Variants in PCDHGA10 observed in about 807,000 individuals in gnomAD.
PCDHGA10 encodes protocadherin gamma subfamily A, 10.
A neutral mutation model predicts 59.5 loss-of-function variants in PCDHGA10; 42 were observed. That is an observed-to-expected ratio of 0.71 (90% confidence interval 0.55 to 0.91). PCDHGA10 has a LOEUF of 0.91. Ranked by LOEUF, PCDHGA10 falls within the 40% of genes least tolerant of loss-of-function variation. The pLI, the probability that PCDHGA10 is intolerant of heterozygous loss-of-function variation, is 0.00. For missense variants in PCDHGA10, 1,111 were observed against 1,198.2 expected (o/e 0.93, Z 1.07); for synonymous variants, 511 against 517.2 (o/e 0.99, Z 0.16).
In PCDHGA10 at chr5:141,432,002, G is replaced by A. The variant is rs781525225; in HGVS notation, c.2436+16391G>A. On this transcript the variant is annotated intron_variant, in intron 1 of 3. Transcript: ENST00000398610. This position sits in a 1 kb window ranked among gnomAD's most constrained non-coding sequence, Gnocchi z 6.0. ...AGACATAGTCTTGGATAGGGAACAG[G>A]TTCCTAGCTACAACATCACAGTGAC... The A allele has an allele frequency of 1.9e-6, 3 of 1,614,186 alleles. No homozygotes were observed. In the South Asian group the frequency reaches 3.3e-5, roughly 18 times the overall value.
At chr5:141,494,305 C>T (rs544773836) in intron 1 of PCDHGA10, among the ~76,000 whole-genome samples, 1 of 152,346 alleles carries the variant, frequency 6.6e-6, no homozygotes, top group East Asian at 1.9e-4. Context: ...GAATGTGTCA[C>T]TGCACAACCT....
chr5:141,482,859 G>A (rs1371172226), intron 1 of PCDHGA10, among the ~76,000 whole-genome samples: 3 of 148,230 alleles, frequency 2.0e-5, no homozygotes, highest in Admixed American at 6.7e-5. Flanking sequence ...ATCACTTGAG[G>A]TCAGGAGTTT....
intron 1 of PCDHGA10, among the ~76,000 whole-genome samples, chr5:141,450,826 A>T (rs965147554): frequency 1.9e-4 from 26 of 134,356 alleles, no homozygotes; most frequent in East Asian, 6.4e-4. Context: ...TATTATTATT[A>T]TTATTTTTTT....
intron 1 of PCDHGA10, chr5:141,430,960 C>T (rs2097330619): frequency 6.2e-7 from 1 of 1,612,432 alleles, no homozygotes; most frequent in Non-Finnish European, 8.5e-7. Context: ...TCCGCATCAT[C>T]CCCAGAGGTA....
At chr5:141,448,822 G>A (rs924937891) in intron 1 of PCDHGA10, among the ~76,000 whole-genome samples, 4 of 152,048 alleles carry the variant, frequency 2.6e-5, no homozygotes, top group African/African-American at 9.7e-5. Context: ...GCGGGCGCCT[G>A]TAGTCCCAGC....
At chr5:141,437,338 C>T (rs1328789308) in intron 1 of PCDHGA10, among the ~76,000 whole-genome samples, 1 of 152,196 alleles carries the variant, frequency 6.6e-6, no homozygotes, top group Non-Finnish European at 1.5e-5. Flanking sequence ...TGTAGCTTCA[C>T]TGTTTTATAG....
At position 141,414,686 on chromosome 5, in the gene PCDHGA10, C is replaced by A. The variant is rs201724090; in HGVS notation, c.1511C>A (p.Pro504His). Residue 504 changes from proline to histidine, a missense_variant, in exon 1 of 4, where the codon CCT becomes CAT. Physicochemically the swap from Pro to His is moderately conservative, Grantham distance 77. Coordinates refer to ENST00000398610, the MANE Select transcript of PCDHGA10 (RefSeq NM_018913.3). Reference protein sequence around the residue: ...SLAEDTIQGVPLSSYISINSD... With the variant: ...SLAEDTIQGVHLSSYISINSD... ...GCTGAAGACACCATCCAGGGGGTAC[C>A]TCTGTCCTCATACATATCCATCAAC... 57 of 1,613,924 alleles carry A rather than the reference C, an allele frequency of 3.5e-5. No homozygotes were observed. The highest frequency in any genetic ancestry group is 1.6e-4 in the Middle Eastern group (1 of 6,084).
chr5:141,462,423 G>A (rs1367388191), intron 1 of PCDHGA10, among the ~76,000 whole-genome samples: 1 of 151,820 alleles, frequency 6.6e-6, no homozygotes, highest in East Asian at 1.9e-4. Context: ...GTCTATCTTG[G>A]TGAGTGTTGC....
rs1368632691 is a variant in PCDHGA10 at position 141,485,071 on chromosome 5, C to A, written c.2437-9736C>A. ...GCCGGCCGAACCGCGCCAGAGCTGG[C>A]GCGGGGAAAGGGAGATAGGTGTCTC... On this transcript the variant is annotated intron_variant, in intron 1 of 3. Coordinates refer to ENST00000398610, the MANE Select transcript of PCDHGA10 (RefSeq NM_018913.3). This position sits in a 1 kb window ranked among gnomAD's most constrained non-coding sequence, Gnocchi z 5.7. 3.3e-6 allele frequency: 3 copies of A among 913,030 alleles called. No individual in the cohort carries two copies. Among genetic ancestry groups the A allele is most frequent in the Non-Finnish European group, 5.1e-6 (3 of 584,604 alleles). 56.6% of individuals were successfully genotyped at this position (913,030 alleles called of 1,614,324 possible).
chr5:141,501,475 G>A (rs1305778190), intron 2 of PCDHGA10, among the ~76,000 whole-genome samples: 5 of 152,014 alleles, frequency 3.3e-5, no homozygotes, highest in Admixed American at 3.3e-4. Flanking sequence ...AATCCTGGAA[G>A]AGTCCCTCAT....
chr5:141,482,593 G>A (rs1314658005), intron 1 of PCDHGA10, among the ~76,000 whole-genome samples: 4 of 149,900 alleles, frequency 2.7e-5, no homozygotes, highest in Non-Finnish European at 5.9e-5. Flanking sequence ...GGGACCAAAC[G>A]GGAAAAAACA....
chr5:141,442,561 G>C (rs2098332268), intron 1 of PCDHGA10: 1 of 152,198 alleles, frequency 6.6e-6, no homozygotes, highest in African/African-American at 2.4e-5. Context: ...ACTAAGTTCA[G>C]TCACAAGCAG....
At position 141,486,266 on chromosome 5, in the gene PCDHGA10, C is replaced by A; in HGVS notation, c.2437-8541C>A. On this transcript the variant is annotated intron_variant, in intron 1 of 3. Coordinates refer to ENST00000398610, the MANE Select transcript of PCDHGA10 (RefSeq NM_018913.3). The surrounding 1 kb of genome is among the most constrained non-coding windows in gnomAD (Gnocchi z 5.0). ...TGGAACCCTCCCCGAGAGTGCAGAA[C>A]CTGGCACTGTGGTGGCACTTATCAG... The A allele has an allele frequency of 1.9e-6, 3 of 1,614,098 alleles. No homozygotes were observed. Among genetic ancestry groups the A allele is most frequent in the Admixed American group, 3.3e-5 (2 of 60,016 alleles).
intron 1 of PCDHGA10, chr5:141,423,165 C>T (rs1307049367): frequency 6.8e-6 from 11 of 1,613,434 alleles, no homozygotes; most frequent in Admixed American, 3.3e-5. Context: ...TCGTGGTGGC[C>T]GTCCAGGACC....
intron 2 of PCDHGA10, among the ~76,000 whole-genome samples, chr5:141,498,543 C>T (rs2099784198): frequency 6.6e-6 from 1 of 151,870 alleles, no homozygotes; most frequent in South Asian, 2.1e-4. Flanking sequence ...CTGGTCTGGT[C>T]AGACACACCA....
chr5:141,432,227 T>C lies in PCDHGA10; in HGVS notation c.2436+16616T>C, dbSNP rs1046414550. On this transcript the variant is annotated intron_variant, in intron 1 of 3. Coordinates refer to ENST00000398610, the MANE Select transcript of PCDHGA10 (RefSeq NM_018913.3). This position sits in a 1 kb window ranked among gnomAD's most constrained non-coding sequence, Gnocchi z 6.0. ...TGAAGAGAACGCCCAGATCACTTATTCCCTGGCTGAGAACACCATCCAAGG... is the reference window on the plus strand; with the variant it reads ...TGAAGAGAACGCCCAGATCACTTATCCCCTGGCTGAGAACACCATCCAAGG... 1.4e-5 allele frequency: 22 copies of C among 1,614,080 alleles called. No individual in the cohort carries two copies. The highest frequency in any genetic ancestry group is 1.8e-5 in the Non-Finnish European group (21 of 1,180,042).
At chr5:141,466,095 C>T (rs1170423552) in intron 1 of PCDHGA10, among the ~76,000 whole-genome samples, 1 of 152,038 alleles carries the variant, frequency 6.6e-6, no homozygotes, top group African/African-American at 2.4e-5. Flanking sequence ...GCACTCCAGC[C>T]TGGGCAACAG....
chr5:141,470,911 G>C (rs1208467445), intron 1 of PCDHGA10, among the ~76,000 whole-genome samples: 1 of 151,916 alleles, frequency 6.6e-6, no homozygotes, highest in African/African-American at 2.4e-5. Context: ...AGATGGGACT[G>C]TCCCTATGTT....
At position 141,431,754 on chromosome 5, in the gene PCDHGA10, A is replaced by C; in HGVS notation, c.2436+16143A>C. ...AATGCAGGATATTCTGCGCGAGCCA[A>C]AGTCCTGATCACTGTTCTGGACGTG... On this transcript the variant is annotated intron_variant, in intron 1 of 3. Transcript: ENST00000398610. The surrounding 1 kb of genome is among the most constrained non-coding windows in gnomAD (Gnocchi z 4.8). The C allele has an allele frequency of 6.2e-7, 1 of 1,614,208 alleles. No individual in the cohort carries two copies. Among genetic ancestry groups the C allele is most frequent in the Middle Eastern group, 1.6e-4 (1 of 6,062 alleles).
Sources: gnomAD v4.1 joint callset for allele counts (sites outside exome capture counted in the v4.1 genomes callset) on GRCh38, gnomAD v4.1.1 for gene constraint, Gnocchi (gnomAD v3.1) non-coding constraint, MANE v1.5 for transcripts, NCBI Gene and HGNC (gene_info 2026-07-23, HGNC 2026-07-21) for gene names.